Variants in TRDMT1 observed in about 807,000 individuals in gnomAD.
TRDMT1 encodes the protein tRNA (cytosine(38)-C(5))-methyltransferase.
In TRDMT1, 49 loss-of-function variants were observed where a neutral mutation model predicts 51.2. That is an observed-to-expected ratio of 0.96 (90% CI 0.76 to 1.21). The LOEUF (loss-of-function observed/expected upper bound fraction) is 1.21. Ranked by LOEUF, TRDMT1 falls within the 50% of genes most tolerant of loss-of-function variation. TRDMT1 has a pLI of 0.00. For missense variants in TRDMT1, 534 were observed against 462.3 expected, an observed-to-expected ratio of 1.16 and a Z score of -1.42; for synonymous variants, 187 against 164.6, an observed-to-expected ratio of 1.14 and a Z score of -1.04.
intron 1 of TRDMT1, among the ~76,000 whole-genome samples, chr10:17,199,134 T>A (rs1014478711): frequency 3.3e-5 from 5 of 152,206 alleles, no homozygotes; most frequent in Non-Finnish European, 1.5e-5. Flanking sequence ...AAAGGAGCAA[T>A]GCATTTTATT....
chr10:17,152,514 C>T (rs977937757), intron 10 of TRDMT1, among the ~76,000 whole-genome samples: 1 of 152,186 alleles, frequency 6.6e-6, no homozygotes, highest in Non-Finnish European at 1.5e-5. Context: ...AAGTATTGGA[C>T]TTAACAAAGT....
In TRDMT1 at chr10:17,140,167, G is replaced by A. The variant is rs556101934; in HGVS notation, c.*8873C>T. ...AGGTTCCAGTGAGTCTCCTGCCTCA[G>A]CCTCCTGAATAGCTGAGATTACAGG... is the stretch of plus-strand genomic sequence containing the variant. On this transcript the variant is annotated 3_prime_UTR_variant, in exon 11 of 11. Coordinates refer to ENST00000377799, the MANE Select transcript of TRDMT1 (RefSeq NM_004412.7). Among the ~76,000 whole-genome samples, 18 of 145,826 alleles carry A rather than the reference G, an allele frequency of 1.2e-4. No homozygotes were observed. Among genetic ancestry groups the A allele is most frequent in the African/African-American group, 4.3e-4 (17 of 39,360 alleles).
rs1837892160 is a variant in TRDMT1, at chr10:17,144,003, A to G, written c.*5037T>C. ...AGATTCTAGAATAGGACTTAGGAAA[A>G]CAGCAGATTTAGAGTCATCTGGGTG... On this transcript the variant is annotated 3_prime_UTR_variant, in exon 11 of 11. Transcript: ENST00000377799. 1.0e-6 allele frequency: 1 copy of G among 985,340 alleles called. No homozygotes were observed. Among genetic ancestry groups the G allele is most frequent in the Non-Finnish European group, 1.2e-6 (1 of 829,952 alleles). The allele number at this position is 985,340 out of a possible 1,614,324, so 61.0% of individuals were successfully genotyped here.
In TRDMT1 at chr10:17,144,345, C is replaced by G. The variant is rs1837925324; in HGVS notation, c.*4695G>C. On this transcript the variant is annotated 3_prime_UTR_variant, in exon 11 of 11. Transcript: ENST00000377799. The stretch of plus-strand genomic sequence containing the variant: ...CAAATATTTGAAGTAAACACTGAAG[C>G]CATGCTAGGTACAAGCAAAGAAATG... The G allele has an allele frequency of 1.0e-6, 1 of 985,226 alleles. No homozygotes were observed. Among genetic ancestry groups the G allele is most frequent in the African/African-American group, 1.7e-5 (1 of 57,182 alleles). The allele number at this position is 985,226 out of a possible 1,614,324, so 61.0% of individuals were successfully genotyped here. A position where few individuals can be genotyped will look rare whatever the true frequency, so the allele number is the denominator to read the frequency against.
intron 1 of TRDMT1, among the ~76,000 whole-genome samples, chr10:17,194,285 A>T (rs1845084764): frequency 6.6e-6 from 1 of 152,214 alleles, no homozygotes; most frequent in Non-Finnish European, 1.5e-5. Context: ...AACGATTGCA[A>T]CAAAAACAAA....
At chr10:17,159,047 A>T in intron 7 of TRDMT1, 99 bp downstream of exon 7, 1 of 749,788 alleles carries the variant, frequency 1.3e-6, no homozygotes, top group East Asian at 3.0e-5. Flanking sequence ...GTACACAGAG[A>T]CAGCTACACA....
chr10:17,154,652 T>C, intron 9 of TRDMT1, 25 bp downstream of exon 9: 2 of 1,553,836 alleles, frequency 1.3e-6, no homozygotes, highest in Non-Finnish European at 1.7e-6. Context: ...TTTAAAGTGT[T>C]TTAGCTTTAA....
At position 17,138,100 on chromosome 10, in the gene TRDMT1, G is replaced by A. The variant is rs960181247; in HGVS notation, c.*10940C>T. On this transcript the variant is annotated 3_prime_UTR_variant, in exon 11 of 11. Coordinates refer to ENST00000377799, the MANE Select transcript of TRDMT1 (RefSeq NM_004412.7). ...GGAGAGGGTTGAGATGCAGAGGTGC[G>A]TTGGAGGATGGACAAATTGGCAAGA... 2.0e-5 allele frequency among the ~76,000 whole-genome samples: 3 copies of A among 152,144 alleles called. No individual in the cohort carries two copies. The highest frequency in any genetic ancestry group is 1.5e-5 in the Non-Finnish European group (1 of 68,034).
Position 17,157,796 on chromosome 10 carries a change from T to A in TRDMT1, c.544-12A>T. On this transcript the variant is annotated splice_polypyrimidine_tract_variant and intron_variant, in intron 7 of 10. Transcript: ENST00000377799. ...AACTCCATCAGTACCTGGCATTACA[T>A]AAAAATACACAAATTGTCAAAAGTT... is the stretch of plus-strand genomic sequence containing the variant. The A allele has an allele frequency of 6.5e-7, 1 of 1,532,218 alleles. No individual in the cohort carries two copies. The highest frequency in any genetic ancestry group is 8.8e-7 in the Non-Finnish European group (1 of 1,141,136). 94.9% of individuals were successfully genotyped at this position (1,532,218 alleles called of 1,614,324 possible). A position where few individuals can be genotyped will look rare whatever the true frequency, so the allele number is the denominator to read the frequency against.
chr10:17,165,199 C>A (rs1263677153), intron 3 of TRDMT1, among the ~76,000 whole-genome samples: 2 of 151,964 alleles, frequency 1.3e-5, no homozygotes, highest in African/African-American at 4.8e-5. Context: ...AGAACAGAGC[C>A]CTCAGAAATA....
intron 1 of TRDMT1, among the ~76,000 whole-genome samples, chr10:17,175,224 T>C (rs555006139): frequency 6.6e-6 from 1 of 152,320 alleles, no homozygotes; most frequent in African/African-American, 2.4e-5. Context: ...TTAATTGGTA[T>C]CCAAATGTAA....
chr10:17,143,027 A>AAAAGCCT lies in TRDMT1; in HGVS notation c.*6006_*6012dup, dbSNP rs1242328832. On this transcript the variant is annotated 3_prime_UTR_variant, in exon 11 of 11. Transcript: ENST00000377799. ...TTATTTGCGCTACTTTCCAAAAGCC[A>AAAAGCCT]AAAGCCTATCCCAGAATTATTTTTT... 2.4e-5 allele frequency: 24 copies of AAAAGCCT among 985,370 alleles called. No homozygotes were observed. Among genetic ancestry groups the AAAAGCCT allele is most frequent in the Non-Finnish European group, 2.8e-5 (23 of 829,950 alleles). 61.0% of individuals were successfully genotyped at this position (985,370 alleles called of 1,614,324 possible).
At chr10:17,189,966 T>C (rs1354473303) in intron 1 of TRDMT1, among the ~76,000 whole-genome samples, 1 of 152,122 alleles carries the variant, frequency 6.6e-6, no homozygotes, top group African/African-American at 2.4e-5. Flanking sequence ...CAAGAACTAT[T>C]TAATATTAAT....
chr10:17,154,996 G>A (rs1839296989), intron 8 of TRDMT1, among the ~76,000 whole-genome samples: 1 of 126,932 alleles, frequency 7.9e-6, no homozygotes, highest in Non-Finnish European at 1.8e-5. Flanking sequence ...CAGGCGGGTG[G>A]ATCACCTGAG....
At position 17,168,888 on chromosome 10, in the gene TRDMT1, T is replaced by C; in HGVS notation, c.204A>G (p.Leu68=). ...EGITLEEFDR[L]SFDMILMSPP... is the part of the protein sequence containing the mutation. ...GGCTCATTAAAATCATATCAAAAGA[T>C]AATCTGTCAAACTCTTCGAGTGTAA... The change falls in exon 3 of 11, where the codon TTA becomes TTG. Residue 68 remains leucine, a synonymous_variant. Transcript: ENST00000377799. 1 of 1,612,500 alleles carries C rather than the reference T, an allele frequency of 6.2e-7. No individual in the cohort carries two copies. The highest frequency in any genetic ancestry group is 8.5e-7 in the Non-Finnish European group (1 of 1,179,042).
intron 10 of TRDMT1, chr10:17,151,431 AG>A: frequency 1.0e-6 from 1 of 969,414 alleles, no homozygotes; most frequent in South Asian, 4.8e-5. Flanking sequence ...AGGGTTTGGA[AG>A]GATCAATGCA....
rs1252078496 is a variant in TRDMT1, at chr10:17,147,208, T to C, written c.*1832A>G. Reference sequence around the variant, plus strand: ...AGTGAACAGAACCTACATGAAAGTGTGCCAAAATAATTTGTGATTGTTTAC... The same window carrying C: ...AGTGAACAGAACCTACATGAAAGTGCGCCAAAATAATTTGTGATTGTTTAC... On this transcript the variant is annotated 3_prime_UTR_variant, in exon 11 of 11. Coordinates refer to ENST00000377799, the MANE Select transcript of TRDMT1 (RefSeq NM_004412.7). 1 of 985,854 alleles carries C rather than the reference T, an allele frequency of 1.0e-6. No homozygotes were observed. Among genetic ancestry groups the C allele is most frequent in the South Asian group, 4.7e-5 (1 of 21,286 alleles). The allele number at this position is 985,854 out of a possible 1,614,324, so 61.1% of individuals were successfully genotyped here.
rs527799532 is a variant in TRDMT1, at chr10:17,201,665, C to T, written c.-31G>A. On this transcript the variant is annotated 5_prime_UTR_variant, in exon 1 of 11. Transcript: ENST00000377799. ...CGCCTCAGCCGCCGCAGCCCCGGAGCTAGGCCTGCCGGTCCGTCGCTCCTC... is the reference window on the plus strand; with the variant it reads ...CGCCTCAGCCGCCGCAGCCCCGGAGTTAGGCCTGCCGGTCCGTCGCTCCTC... The T allele has an allele frequency of 1.3e-6, 2 of 1,533,404 alleles. No individual in the cohort carries two copies. The highest frequency in any genetic ancestry group is 2.0e-5 in the Admixed American group (1 of 50,046). 95.0% of individuals were successfully genotyped at this position (1,533,404 alleles called of 1,614,324 possible). A position where few individuals can be genotyped will look rare whatever the true frequency, so the allele number is the denominator to read the frequency against.
At chr10:17,193,829 C>T (rs577827659) in intron 1 of TRDMT1, among the ~76,000 whole-genome samples, 1 of 152,116 alleles carries the variant, frequency 6.6e-6, no homozygotes, top group African/African-American at 2.4e-5. Context: ...TCATATGGAA[C>T]CATATAAAAG....
Sources: gnomAD v4.1 joint callset for allele counts (sites outside exome capture counted in the v4.1 genomes callset) on GRCh38, gnomAD v4.1.1 for gene constraint, MANE v1.5 for transcripts, NCBI Gene and HGNC (gene_info 2026-07-23, HGNC 2026-07-21) for gene names.